The following STAG1 variants were observed in gnomAD, a reference collection of about 807,000 sequenced individuals.
STAG1 encodes cohesin subunit SA-1.
STAG1 carries 26 observed loss-of-function variants against 170.9 expected under a neutral mutation model. The ratio of observed to expected loss-of-function variants is 0.15; its 90% confidence interval spans 0.11 to 0.21. The LOEUF (loss-of-function observed/expected upper bound fraction) is 0.21, where lower values mean the gene tolerates loss of function less well. Among genes scored for constraint, STAG1 ranks in the 10% least tolerant of loss-of-function variants. The pLI is 1.00. For missense variants in STAG1, 964 were observed against 1,509.5 expected, an observed-to-expected ratio of 0.64 and a Z score of 5.99; for synonymous variants, 514 against 497.7, an observed-to-expected ratio of 1.03 and a Z score of -0.44.
intron 29 of STAG1, among the ~76,000 whole-genome samples, chr3:136,346,788 T>C (rs996534245): frequency 6.6e-6 from 1 of 152,246 alleles, no homozygotes; most frequent in Non-Finnish European, 1.5e-5. Context: ...TGATGAATGT[T>C]GGCTAATAAG....
In STAG1 at chr3:136,377,770, A is replaced by G. The variant is rs768789402; in HGVS notation, c.2278-18T>C. 2 of 1,606,582 alleles carry G rather than the reference A, an allele frequency of 1.2e-6. No homozygotes were observed. Among genetic ancestry groups the G allele is most frequent in the Non-Finnish European group, 1.7e-6 (2 of 1,173,552 alleles). ...AAATCCTCCTGTAAGACACATTCAA[A>G]TTTGCAAGCGTGAATTACAGGATCA... On this transcript the variant is annotated intron_variant, in intron 22 of 33. Coordinates refer to ENST00000383202, the MANE Select transcript of STAG1 (RefSeq NM_005862.3).
At chr3:136,395,158 T>C (rs1191188148) in intron 22 of STAG1, among the ~76,000 whole-genome samples, 1 of 152,022 alleles carries the variant, frequency 6.6e-6, no homozygotes, top group Non-Finnish European at 1.5e-5. Flanking sequence ...AAATATGTAA[T>C]ATGACTAATA....
At chr3:136,614,139 C>G (rs1179893139) in intron 3 of STAG1, among the ~76,000 whole-genome samples, 1 of 152,122 alleles carries the variant, frequency 6.6e-6, no homozygotes, top group Non-Finnish European at 1.5e-5. Flanking sequence ...TTGCTTGAAC[C>G]CGGGAGGCGG....
At chr3:136,376,005 T>TAATTAACAAAATAAAATA (rs1175764770) in intron 23 of STAG1, among the ~76,000 whole-genome samples, 806 of 63,694 alleles carry the variant, frequency 0.013, 9 homozygotes, top group South Asian at 0.032. Flanking sequence ...AATAAATAAA[T>TAATTAACAAAATAAAATA]AAATAATTAA....
chr3:136,555,071 GCA>G (rs1042974219), intron 5 of STAG1, among the ~76,000 whole-genome samples: 3 of 146,008 alleles, frequency 2.1e-5, no homozygotes, highest in African/African-American at 5.0e-5. Context: ...ACGCACTCAG[GCA>G]CACACACACA....
rs1488629333 is a variant in STAG1 at position 136,433,601 on chromosome 3, T to C, written c.1605A>G (p.Gln535=). 1.9e-6 allele frequency: 3 copies of C among 1,600,502 alleles called. No individual in the cohort carries two copies. Among genetic ancestry groups the C allele is most frequent in the African/African-American group, 1.4e-5 (1 of 73,734 alleles). ...LIELMVCTIR[Q]AAEAHPPVGR... is the part of the protein sequence containing the mutation. ...CCACTGGAGGATGTGCCTCAGCAGC[T>C]TGACGAATTGTACAAACCATTAGCT... Residue 535 remains glutamine, a synonymous_variant, in exon 16 of 34, where the codon CAA becomes CAG. Coordinates refer to ENST00000383202, the MANE Select transcript of STAG1 (RefSeq NM_005862.3).
chr3:136,339,669 T>C (rs1213187110), intron 32 of STAG1, among the ~76,000 whole-genome samples: 1 of 152,240 alleles, frequency 6.6e-6, no homozygotes, highest in East Asian at 1.9e-4. Context: ...GCCAGTCTTG[T>C]TCCACTGAGT....
At chr3:136,688,418 GAGAC>G (rs958658858) in intron 1 of STAG1, among the ~76,000 whole-genome samples, 12 of 150,278 alleles carry the variant, frequency 8.0e-5, no homozygotes, top group African/African-American at 2.9e-4. Context: ...TTCTTTTTTT[GAGAC>G]AGAATCTCAC....
rs60449608 is a variant in STAG1 at position 136,613,313 on chromosome 3, C to CAAAA, written c.133-8844_133-8841dup. ...AAGTGAACAGAGTGAGACTCCGTCT[C>CAAAA]AAAAAAAAAAAAAAAAAAAAAAGAA... On this transcript the variant is annotated intron_variant, in intron 3 of 33. Transcript: ENST00000383202. Among the ~76,000 whole-genome samples, 184 of 59,752 alleles carry CAAAA rather than the reference C, an allele frequency of 3.1e-3. 30 individuals carry two copies. The South Asian group carries it at 0.032, about 10-fold the overall frequency. 39.2% of individuals were successfully genotyped at this position (59,752 alleles called of 152,430 possible).
intron 13 of STAG1, among the ~76,000 whole-genome samples, chr3:136,464,151 T>G (rs1422785292): frequency 6.6e-6 from 1 of 151,648 alleles, no homozygotes; most frequent in Non-Finnish European, 1.5e-5. Context: ...TGGCCAGGTG[T>G]GGTGGCTCAT....
At chr3:136,489,576 ACT>A (rs985049940) in intron 9 of STAG1, among the ~76,000 whole-genome samples, 2 of 152,122 alleles carry the variant, frequency 1.3e-5, no homozygotes, top group African/African-American at 2.4e-5. Context: ...AAAAAGGCAC[ACT>A]CTCTAAATTG....
intron 7 of STAG1, among the ~76,000 whole-genome samples, chr3:136,503,255 G>T (rs560098252): frequency 6.6e-6 from 1 of 152,132 alleles, no homozygotes; most frequent in Admixed American, 6.5e-5. Flanking sequence ...CTCTCCCTTT[G>T]TTCCTCACCT....
chr3:136,339,938 C>T (rs567622801), intron 32 of STAG1, among the ~76,000 whole-genome samples: 2 of 152,256 alleles, frequency 1.3e-5, no homozygotes, highest in Admixed American at 1.3e-4. Context: ...CACAAGAGGC[C>T]AGATACACAG....
intron 7 of STAG1, among the ~76,000 whole-genome samples, chr3:136,519,017 A>G (rs1182409741): frequency 6.6e-6 from 1 of 152,072 alleles, no homozygotes; most frequent in Non-Finnish European, 1.5e-5. Flanking sequence ...TATAGAGAAA[A>G]CAATACAATG....
chr3:136,522,292 G>C (rs77032003), intron 6 of STAG1, among the ~76,000 whole-genome samples: 1,536 of 152,286 alleles, frequency 0.01, 49 homozygotes, highest in East Asian at 0.053. Context: ...CAGAACACCA[G>C]ATCCCAAGAA....
At chr3:136,351,810 C>G (rs985659645) in intron 28 of STAG1, among the ~76,000 whole-genome samples, 3 of 152,136 alleles carry the variant, frequency 2.0e-5, no homozygotes, top group African/African-American at 7.2e-5. Flanking sequence ...AGTAAATACC[C>G]TGAATTATGA....
At chr3:136,625,955 A>T (rs895206497) in intron 2 of STAG1, among the ~76,000 whole-genome samples, 2 of 152,224 alleles carry the variant, frequency 1.3e-5, no homozygotes, top group Non-Finnish European at 2.9e-5. Context: ...TGGGAGGCTG[A>T]GGCACGAGAA....
intron 1 of STAG1, among the ~76,000 whole-genome samples, chr3:136,633,706 A>T (rs1191532531): frequency 1.5e-5 from 1 of 67,510 alleles, no homozygotes; most frequent in Non-Finnish European, 3.1e-5. Flanking sequence ...CATATCAAAA[A>T]AAAAGGGGGG....
chr3:136,646,222 C>A (rs1030528420), intron 1 of STAG1, among the ~76,000 whole-genome samples: 1 of 152,164 alleles, frequency 6.6e-6, no homozygotes, highest in African/African-American at 2.4e-5. Context: ...CTTCTAGGCT[C>A]AAGCAATCCT....
Sources: gnomAD v4.1 joint callset for allele counts (sites outside exome capture counted in the v4.1 genomes callset) on GRCh38, gnomAD v4.1.1 for gene constraint, MANE v1.5 for transcripts, NCBI Gene and HGNC (gene_info 2026-07-23, HGNC 2026-07-21) for gene names.